The following HSD17B3 variants were observed in gnomAD, a reference collection of about 807,000 sequenced individuals.
HSD17B3 encodes the protein 17-beta-hydroxysteroid dehydrogenase type 3.
HSD17B3 carries 29 observed loss-of-function variants against 41.1 expected under a neutral mutation model. The observed-to-expected ratio is 0.71, with a 90% CI of 0.53 to 0.96. The LOEUF (loss-of-function observed/expected upper bound fraction) is 0.96. HSD17B3 is among the 40% of genes least tolerant of loss of function. The pLI, the probability that HSD17B3 is intolerant of heterozygous loss-of-function variation, is 0.00. For missense variants in HSD17B3, 323 were observed against 374.6 expected, an observed-to-expected ratio of 0.86 and a Z score of 1.14; for synonymous variants, 126 against 145.6, an observed-to-expected ratio of 0.87 and a Z score of 0.97.
At chr9:96,267,570 T>C (rs1398903111) in intron 2 of HSD17B3, among the ~76,000 whole-genome samples, 1 of 152,086 alleles carries the variant, frequency 6.6e-6, no homozygotes, top group African/African-American at 2.4e-5. Flanking sequence ...AAAACATTTT[T>C]AATTTCTTTA....
At chr9:96,249,610 G>C (rs1180420646) in intron 6 of HSD17B3, 141 bp downstream of exon 6, 1 of 741,882 alleles carries the variant, frequency 1.3e-6, no homozygotes, top group Non-Finnish European at 2.4e-6. Flanking sequence ...ACAATTACAA[G>C]ACCACGACAT....
At chr9:96,239,816 A>C (rs532920475) in intron 10 of HSD17B3, 3 of 150,210 alleles carry the variant, frequency 2.0e-5, no homozygotes, top group African/African-American at 7.3e-5. Flanking sequence ...GCAATACTCA[A>C]GTCTACCTTT....
intron 1 of HSD17B3, among the ~76,000 whole-genome samples, chr9:96,300,330 T>A (rs1025161497): frequency 2.0e-5 from 2 of 101,490 alleles, no homozygotes; most frequent in Middle Eastern, 4.5e-3. Flanking sequence ...GTAATTTTTT[T>A]AATTTCCATT....
At chr9:96,239,996 C>T (rs1836370064) in intron 10 of HSD17B3, 2 of 151,748 alleles carry the variant, frequency 1.3e-5, no homozygotes, top group South Asian at 4.2e-4. Context: ...ACCACATGTT[C>T]TCACTCATAA....
At chr9:96,250,181 G>A in intron 5 of HSD17B3, 13 of 1,156,632 alleles carry the variant, frequency 1.1e-5, no homozygotes, top group Non-Finnish European at 1.4e-5. Context: ...TAGAGGTTCT[G>A]GGCTATGGAG....
chr9:96,247,155 A>AT (rs1836700375), intron 6 of HSD17B3: 2 of 157,924 alleles, frequency 1.3e-5, no homozygotes, highest in Non-Finnish European at 2.8e-5. Context: ...CCCAGCCTAG[A>AT]GACCCCTGAA....
intron 2 of HSD17B3, among the ~76,000 whole-genome samples, chr9:96,264,785 G>A (rs1323555298): frequency 6.6e-6 from 1 of 152,198 alleles, no homozygotes; most frequent in African/African-American, 2.4e-5. Flanking sequence ...CAATAGCCAT[G>A]ATAGAAAATT....
chr9:96,281,494 TA>T (rs1826689936), intron 2 of HSD17B3, among the ~76,000 whole-genome samples: 1 of 152,132 alleles, frequency 6.6e-6, no homozygotes, highest in Non-Finnish European at 1.5e-5. Flanking sequence ...GTTAGAGTCC[TA>T]ACTTAGGAGG....
chr9:96,258,742 G>A (rs559096888), intron 2 of HSD17B3, among the ~76,000 whole-genome samples: 13 of 152,160 alleles, frequency 8.5e-5, no homozygotes, highest in South Asian at 4.2e-4. Context: ...TGTCTTACCC[G>A]TAAGTATATT....
At chr9:96,245,148 G>T (rs143397904) in intron 8 of HSD17B3, among the ~76,000 whole-genome samples, 197 bp downstream of exon 8, 1 of 152,324 alleles carries the variant, frequency 6.6e-6, no homozygotes, top group South Asian at 2.1e-4. Flanking sequence ...GTTGTGCACC[G>T]CAGGGCTTCG....
At chr9:96,240,217 C>T (rs1158506761) in intron 10 of HSD17B3, among the ~76,000 whole-genome samples, 2 of 152,138 alleles carry the variant, frequency 1.3e-5, no homozygotes. Flanking sequence ...TTTGCACATG[C>T]ATCCTGGAAC....
chr9:96,269,564 T>C (rs1379811503), intron 2 of HSD17B3, among the ~76,000 whole-genome samples: 1 of 152,158 alleles, frequency 6.6e-6, no homozygotes, highest in African/African-American at 2.4e-5. Context: ...CATTCATCCA[T>C]GTCGGCATGG....
At chr9:96,270,926 G>A (rs1210354798) in intron 2 of HSD17B3, among the ~76,000 whole-genome samples, 2 of 128,222 alleles carry the variant, frequency 1.6e-5, no homozygotes, top group Non-Finnish European at 3.2e-5. Flanking sequence ...ACAAACAAGT[G>A]TAGTGAGAAG....
intron 2 of HSD17B3, among the ~76,000 whole-genome samples, chr9:96,257,657 T>C (rs1276132638): frequency 6.6e-6 from 1 of 152,254 alleles, no homozygotes. Context: ...TGCTCCATGG[T>C]ATTCTAGAGT....
rs142346210 is a variant in HSD17B3, at chr9:96,251,445, A to G, written c.426T>C (p.His142=). The G allele has an allele frequency of 6.2e-7, 1 of 1,614,072 alleles. No individual in the cohort carries two copies. The highest frequency in any genetic ancestry group is 8.5e-7 in the Non-Finnish European group (1 of 1,180,022). ...VGMLPNLLPS[H]FLNAPDEIQS... ...GGATTTCATCCGGTGCGTTCAGGAAATGGCTTGGGAGAAGGTTTGGAAGCA... is the reference window on the plus strand; with the variant it reads ...GGATTTCATCCGGTGCGTTCAGGAAGTGGCTTGGGAGAAGGTTTGGAAGCA... The change falls in exon 5 of 11, where the codon CAT becomes CAC. Residue 142 remains histidine (H), a synonymous_variant. Coordinates refer to ENST00000375263, the MANE Select transcript of HSD17B3 (RefSeq NM_000197.2).
At chr9:96,290,456 C>CCTT (rs747479797) in intron 2 of HSD17B3, among the ~76,000 whole-genome samples, 2,424 of 78,496 alleles carry the variant, frequency 0.031, 160 homozygotes, top group African/African-American at 0.088. Flanking sequence ...ATTTCCTGGG[C>CCTT]TTTTTTTTTT....
chr9:96,298,600 G>A lies in HSD17B3; in HGVS notation c.155-138C>T, dbSNP rs3925451. On this transcript the variant is annotated intron_variant, in intron 1 of 10. Transcript: ENST00000375263. ...TTCATCCCTTTGCTCTCCAGCCCAC[G>A]CCCTTGAAGCCCCTCACTAAACATT... 0.37 allele frequency: 277,451 copies of A among 758,110 alleles called. 52,255 individuals carry two copies. The highest frequency in any genetic ancestry group is 0.49 in the African/African-American group (28,978 of 58,752). The allele number at this position is 758,110 out of a possible 1,614,324, so 47.0% of individuals were successfully genotyped here.
At chr9:96,254,436 A>T (rs1825546209) in intron 3 of HSD17B3, among the ~76,000 whole-genome samples, 1 of 152,258 alleles carries the variant, frequency 6.6e-6, no homozygotes, top group Non-Finnish European at 1.5e-5. Context: ...TATTTTTAAA[A>T]TTCAGCAATT....
In HSD17B3 at chr9:96,251,434, GC is replaced by G; in HGVS notation, c.436del (p.Ala146HisfsTer16). ...PNLLPSHFLN[A>X]PDEIQSLIHC... is the part of the protein sequence containing the mutation. ...CAAGTCTACCTGGATTTCATCCGGT[GC>G]GTTCAGGAAATGGCTTGGGAGAAGG... On this transcript the variant is annotated frameshift_variant, in exon 5 of 11. Transcript: ENST00000375263. LOFTEE classifies it high-confidence loss of function. The G allele has an allele frequency of 6.2e-7, 1 of 1,614,062 alleles. No individual in the cohort carries two copies. Among genetic ancestry groups the G allele is most frequent in the Non-Finnish European group, 8.5e-7 (1 of 1,179,910 alleles).
Sources: allele counts gnomAD v4.1 joint callset (sites outside exome capture counted in the v4.1 genomes callset), GRCh38; gene constraint gnomAD v4.1.1; transcripts MANE v1.5; gene names NCBI Gene and HGNC (gene_info 2026-07-23, HGNC 2026-07-21).